Variants in EXD1 observed in about 807,000 individuals in gnomAD.
EXD1 encodes exonuclease 3'-5' domain containing 1.
In EXD1, 63 loss-of-function variants were observed where a neutral mutation model predicts 49.1. The ratio of observed to expected loss-of-function variants is 1.28; its 90% confidence interval spans 1.05 to 1.58. The LOEUF is 1.58. EXD1 is among the 40% of genes most tolerant of loss of function. The pLI is 0.00. For missense variants in EXD1, 748 were observed against 666.0 expected (o/e 1.12, Z -1.36); for synonymous variants, 234 against 239.2 (o/e 0.98, Z 0.20).
intron 11 of EXD1, among the ~76,000 whole-genome samples, chr15:41,189,675 TAAATAAAATAAAATA>T (rs567756169): frequency 6.6e-6 from 1 of 150,832 alleles, no homozygotes; most frequent in South Asian, 2.1e-4. Flanking sequence ...AAAAAATAAA[TAAATAAAATAAAATA>T]AAATAAAATA....
Position 41,230,702 on chromosome 15 carries a change from C to T in EXD1, c.-277G>A, listed in dbSNP as rs923142205. On this transcript the variant is annotated 5_prime_UTR_variant, in exon 1 of 12. Coordinates refer to ENST00000458580, the MANE Select transcript of EXD1 (RefSeq NM_001286441.2). ...AAAACCTGGAGAAAGGTCCGCGACG[C>T]CGGGGACACACGCCGCAGAGGCGAC... The T allele has an allele frequency of 4.2e-5, 31 of 740,544 alleles. No homozygotes were observed. The highest frequency in any genetic ancestry group is 2.1e-6 in the Non-Finnish European group (1 of 465,350). The allele number at this position is 740,544 out of a possible 1,614,324, so 45.9% of individuals were successfully genotyped here.
chr15:41,205,337 T>TTTTG (rs1013999840), intron 7 of EXD1, among the ~76,000 whole-genome samples: 6 of 152,166 alleles, frequency 3.9e-5, no homozygotes, highest in Non-Finnish European at 7.4e-5. Flanking sequence ...AGAATCGTGT[T>TTTTG]TTTGTTTGTT....
intron 3 of EXD1, among the ~76,000 whole-genome samples, chr15:41,218,578 G>A (rs922793991): frequency 8.6e-5 from 13 of 151,616 alleles, no homozygotes; most frequent in African/African-American, 2.9e-4. Context: ...TCACAAAGCC[G>A]GTCAGCCATC....
At chr15:41,228,107 G>A (rs2047190924) in intron 1 of EXD1, among the ~76,000 whole-genome samples, 1 of 152,056 alleles carries the variant, frequency 6.6e-6, no homozygotes, top group South Asian at 2.1e-4. Context: ...CCATAATACA[G>A]TAATTTTTTA....
chr15:41,203,773 C>T (rs1595440959), intron 7 of EXD1, among the ~76,000 whole-genome samples: 3 of 151,652 alleles, frequency 2.0e-5, no homozygotes, highest in East Asian at 1.9e-4. Flanking sequence ...AAACATTAGC[C>T]GGGCGTGGTG....
At position 41,209,501 on chromosome 15, in the gene EXD1, C is replaced by G. The variant is rs1446444694; in HGVS notation, c.534G>C (p.Gln178His). Reference protein sequence around the residue: ...VCRHGKLCWLQVATNCRVYLF... With the variant: ...VCRHGKLCWLHVATNCRVYLF... ...TAAAAAGTTTTCAAAAATCTTTCAC[C>G]TGCAGCCAGCACAGTTTGCCATGGC... Residue 178 changes from glutamine to histidine, a missense_variant and splice_region_variant, in exon 7 of 12, where the codon CAG (glutamine) becomes CAC (histidine). Coordinates refer to ENST00000458580, the MANE Select transcript of EXD1 (RefSeq NM_001286441.2). 5 of 1,612,990 alleles carry G rather than the reference C, an allele frequency of 3.1e-6. No homozygotes were observed. Among genetic ancestry groups the G allele is most frequent in the Non-Finnish European group, 4.2e-6 (5 of 1,179,824 alleles).
In EXD1 at chr15:41,184,096, T is replaced by C; in HGVS notation, c.1554A>G (p.Lys518=). The C allele has an allele frequency of 1.2e-6, 2 of 1,614,244 alleles. No individual in the cohort carries two copies. Among genetic ancestry groups the C allele is most frequent in the Non-Finnish European group, 1.7e-6 (2 of 1,180,044 alleles). ...ACATTGAAACAGCCTGTTTTGTGCA[T>C]TTTAAATCTTCCTTGTTTTCCACCA... ...LLMVENKEDL[K]CTKQAVSMSS... Residue 518 remains lysine, a synonymous_variant, in exon 12 of 12, where the codon AAA becomes AAG. Transcript: ENST00000458580.
intron 2 of EXD1, among the ~76,000 whole-genome samples, chr15:41,222,522 A>G (rs1163616788): frequency 2.0e-5 from 3 of 152,194 alleles, no homozygotes; most frequent in Non-Finnish European, 4.4e-5. Flanking sequence ...GGTACGAATT[A>G]GTTGAATCTT....
intron 2 of EXD1, among the ~76,000 whole-genome samples, chr15:41,223,802 T>G (rs2047124028): frequency 6.6e-6 from 1 of 150,616 alleles, no homozygotes. Context: ...GAGGCAAAGG[T>G]TCCAGTGAGC....
intron 1 of EXD1, among the ~76,000 whole-genome samples, chr15:41,229,763 C>CG (rs1274790731): frequency 6.9e-6 from 1 of 143,896 alleles, no homozygotes; most frequent in Non-Finnish European, 1.5e-5. Flanking sequence ...GCAAAAACTC[C>CG]GTCTCAAACA....
At chr15:41,189,653 A>G (rs1327022743) in intron 11 of EXD1, among the ~76,000 whole-genome samples, 1 of 151,926 alleles carries the variant, frequency 6.6e-6, no homozygotes, top group South Asian at 2.1e-4. Flanking sequence ...ACAGAGTGAG[A>G]CTCTGTCTCA....
At chr15:41,220,898 C>T (rs983853842) in intron 2 of EXD1, among the ~76,000 whole-genome samples, 2 of 152,054 alleles carry the variant, frequency 1.3e-5, no homozygotes, top group African/African-American at 4.8e-5. Context: ...TTCCTGCAAC[C>T]TTCGACAATA....
At position 41,184,410 on chromosome 15, in the gene EXD1, A is replaced by G. The variant is rs1265665534; in HGVS notation, c.1240T>C (p.Phe414Leu). The G allele has an allele frequency of 1.2e-6, 2 of 1,614,068 alleles. No homozygotes were observed. Among genetic ancestry groups the G allele is most frequent in the African/African-American group, 1.3e-5 (1 of 75,006 alleles). ...GKEEKVKGFL[F>L]GKNFRIDKAP... ...TTATCTATCCTAAAATTTTTACCAA[A>G]TAAGAAGCCTTTGACTTTCTCCTCT... Residue 414 changes from phenylalanine (F) to leucine (L), a missense_variant, in exon 12 of 12, where the codon TTT (phenylalanine) becomes CTT (leucine). Physicochemically the swap from Phe to Leu is conservative, Grantham distance 22. Coordinates refer to ENST00000458580, the MANE Select transcript of EXD1 (RefSeq NM_001286441.2).
At chr15:41,201,906 A>G (rs536877489) in intron 7 of EXD1, among the ~76,000 whole-genome samples, 1 of 152,210 alleles carries the variant, frequency 6.6e-6, no homozygotes, top group African/African-American at 2.4e-5. Flanking sequence ...ATATCTCAGC[A>G]TATTGGGAGG....
At chr15:41,194,664 A>G (rs2046582561) in intron 9 of EXD1, among the ~76,000 whole-genome samples, 1 of 152,232 alleles carries the variant, frequency 6.6e-6, no homozygotes, top group South Asian at 2.1e-4. Context: ...ACTGTTATAG[A>G]AAAAGAAATT....
At chr15:41,208,025 A>G (rs1346479112) in intron 7 of EXD1, among the ~76,000 whole-genome samples, 4 of 149,566 alleles carry the variant, frequency 2.7e-5, no homozygotes, top group Non-Finnish European at 4.5e-5. Flanking sequence ...AAAAAAAAAA[A>G]GAAAGAGAGA....
chr15:41,227,235 T>C (rs944009739), intron 1 of EXD1, among the ~76,000 whole-genome samples: 1 of 152,248 alleles, frequency 6.6e-6, no homozygotes, highest in African/African-American at 2.4e-5. Context: ...TTTAATGAAT[T>C]GAATTTTAGA....
chr15:41,199,897 A>G (rs113966143), intron 7 of EXD1, among the ~76,000 whole-genome samples: 2,931 of 144,700 alleles, frequency 0.02, 43 homozygotes, highest in African/African-American at 0.041. Context: ...TGATATATAT[A>G]ATATATATAC....
chr15:41,219,872 C>T lies in EXD1; in HGVS notation c.160G>A (p.Val54Ile). The change falls in exon 3 of 12, where the codon GTC becomes ATC. Residue 54 changes from valine (V) to isoleucine (I), a missense_variant. Val to Ile is a conservative substitution (Grantham distance 29). Transcript: ENST00000458580. ...KVKNVETGRSVPGVKLFFGHE... is the reference protein window; with the variant it reads ...KVKNVETGRSIPGVKLFFGHE... ...CCAAAAAACAACTTCACTCCTGGGA[C>T]ACTTCGACCTGTCTCCACATTCTTC... is the stretch of plus-strand genomic sequence containing the variant. 6.5e-7 allele frequency: 1 copy of T among 1,535,690 alleles called. No homozygotes were observed. Among genetic ancestry groups the T allele is most frequent in the Non-Finnish European group, 8.7e-7 (1 of 1,146,758 alleles).
Sources: gnomAD v4.1 joint callset for allele counts (sites outside exome capture counted in the v4.1 genomes callset) on GRCh38, gnomAD v4.1.1 for gene constraint, MANE v1.5 for transcripts, NCBI Gene and HGNC (gene_info 2026-07-23, HGNC 2026-07-21) for gene names.